QRFPR: variants seen among roughly 807,000 people sequenced by gnomAD.
QRFPR encodes the protein pyroglutamylated RFamide peptide receptor, also known as pyroglutamylated RF-amide peptide receptor.
A neutral mutation model predicts 31.3 loss-of-function variants in QRFPR; 37 were observed. That is an observed-to-expected ratio of 1.18 (90% CI 0.91 to 1.56). QRFPR has a LOEUF of 1.56. QRFPR is among the 40% of genes most tolerant of loss of function. QRFPR has a pLI of 0.00. For synonymous variants in QRFPR, 197 were observed against 192.0 expected (o/e 1.03, Z -0.22); for missense variants, 542 against 532.5 (o/e 1.02, Z -0.18).
intron 1 of QRFPR, among the ~76,000 whole-genome samples, chr4:121,361,415 G>C (rs184142167): frequency 6.7e-6 from 1 of 150,100 alleles, no homozygotes; most frequent in African/African-American, 2.5e-5. Flanking sequence ...TAATCAGAGA[G>C]AGATACGCAG....
intron 1 of QRFPR, among the ~76,000 whole-genome samples, chr4:121,355,249 T>G (rs913816104): frequency 6.6e-6 from 1 of 152,166 alleles, no homozygotes; most frequent in African/African-American, 2.4e-5. Flanking sequence ...GTCTCATTAT[T>G]TGTTGCTGGT....
At chr4:121,377,305 G>A (rs552918865) in intron 1 of QRFPR, among the ~76,000 whole-genome samples, 13 of 152,168 alleles carry the variant, frequency 8.5e-5, no homozygotes, top group South Asian at 2.1e-4. Context: ...TTTTGTCGCC[G>A]TTGCTTCCTG....
chr4:121,380,736 C>G lies in QRFPR; in HGVS notation c.-89G>C. 1 of 1,233,832 alleles carries G rather than the reference C, an allele frequency of 8.1e-7. No individual in the cohort carries two copies. Among genetic ancestry groups the G allele is most frequent in the South Asian group, 1.6e-5 (1 of 63,616 alleles). 76.4% of individuals were successfully genotyped at this position (1,233,832 alleles called of 1,614,324 possible). On this transcript the variant is annotated 5_prime_UTR_variant, in exon 1 of 6. Transcript: ENST00000394427. ...GCAGCGAGGGCTTCGGGGGACCAGC[C>G]GGAGGCCGCCTCCCTTCCTCTACTC...
At chr4:121,337,392 G>A (rs1381656103) in intron 2 of QRFPR, among the ~76,000 whole-genome samples, 3 of 152,164 alleles carry the variant, frequency 2.0e-5, no homozygotes, top group Non-Finnish European at 4.4e-5. Context: ...CTAATTCCTT[G>A]TTGTCTCTAC....
At chr4:121,350,349 T>G (rs1399559959) in intron 1 of QRFPR, among the ~76,000 whole-genome samples, 1 of 152,218 alleles carries the variant, frequency 6.6e-6, no homozygotes, top group Non-Finnish European at 1.5e-5. Flanking sequence ...GTCCCCATAT[T>G]ATTTTCAGCG....
At chr4:121,339,816 G>A (rs2110469903) in intron 2 of QRFPR, among the ~76,000 whole-genome samples, 1 of 152,216 alleles carries the variant, frequency 6.6e-6, no homozygotes, top group Middle Eastern at 3.4e-3. Context: ...TTAGCTGGGT[G>A]TGGTGGTGGG....
At chr4:121,337,894 A>G (rs1287595575) in intron 2 of QRFPR, among the ~76,000 whole-genome samples, 1 of 152,222 alleles carries the variant, frequency 6.6e-6, no homozygotes, top group African/African-American at 2.4e-5. Flanking sequence ...TTTAACAGAC[A>G]TGGAAGAGGA....
At chr4:121,357,766 C>T (rs1036608348) in intron 1 of QRFPR, among the ~76,000 whole-genome samples, 4 of 152,160 alleles carry the variant, frequency 2.6e-5, no homozygotes, top group African/African-American at 9.7e-5. Context: ...AGCTTAAGAA[C>T]CAAATAGGCC....
intron 1 of QRFPR, among the ~76,000 whole-genome samples, chr4:121,360,262 T>C (rs1444933964): frequency 2.0e-5 from 3 of 152,212 alleles, no homozygotes; most frequent in Admixed American, 6.5e-5. Flanking sequence ...GCCTTTGTCA[T>C]AGGCTCACCT....
intron 1 of QRFPR, among the ~76,000 whole-genome samples, chr4:121,351,986 C>G (rs1262912039): frequency 6.6e-6 from 1 of 151,960 alleles, no homozygotes; most frequent in Non-Finnish European, 1.5e-5. Flanking sequence ...TATTCATGTA[C>G]AGACATAGAC....
At chr4:121,334,268 T>C (rs1427017040) in intron 3 of QRFPR, among the ~76,000 whole-genome samples, 3 of 152,196 alleles carry the variant, frequency 2.0e-5, no homozygotes, top group Non-Finnish European at 4.4e-5. Flanking sequence ...CAGCAAAGAC[T>C]TCCTGAGGGT....
chr4:121,340,292 TG>T, intron 2 of QRFPR, 159 bp downstream of exon 2: 1 of 715,492 alleles, frequency 1.4e-6, no homozygotes, highest in Non-Finnish European at 2.4e-6. Flanking sequence ...AGAGATGGTG[TG>T]GAGATGAAGG....
chr4:121,348,446 T>G (rs1370466168), intron 1 of QRFPR, among the ~76,000 whole-genome samples: 9 of 152,162 alleles, frequency 5.9e-5, no homozygotes, highest in African/African-American at 1.9e-4. Flanking sequence ...GACCACTGAC[T>G]TCCAATTTTG....
At chr4:121,336,348 T>A (rs750376701) in intron 3 of QRFPR, among the ~76,000 whole-genome samples, 1 of 152,180 alleles carries the variant, frequency 6.6e-6, no homozygotes, top group Non-Finnish European at 1.5e-5. Context: ...TCTCCTGATA[T>A]GTTTCCAGTT....
chr4:121,355,053 G>A (rs1272322008), intron 1 of QRFPR, among the ~76,000 whole-genome samples: 3 of 151,938 alleles, frequency 2.0e-5, no homozygotes, highest in South Asian at 4.1e-4. Flanking sequence ...GTCTTTGCCT[G>A]GTTTTTGTTT....
chr4:121,374,988 T>G (rs1726323707), intron 1 of QRFPR, among the ~76,000 whole-genome samples: 2 of 152,162 alleles, frequency 1.3e-5, no homozygotes, highest in South Asian at 4.1e-4. Context: ...TCCCTCTGGC[T>G]GTGCCGGAAT....
intron 1 of QRFPR, among the ~76,000 whole-genome samples, chr4:121,364,330 T>C (rs1313827034): frequency 1.3e-5 from 2 of 150,216 alleles, no homozygotes; most frequent in East Asian, 4.0e-4. Context: ...CTAAGGCATG[T>C]TAATTGAAAT....
chr4:121,372,400 T>C (rs781332866), intron 1 of QRFPR, among the ~76,000 whole-genome samples: 2 of 152,240 alleles, frequency 1.3e-5, no homozygotes, highest in Non-Finnish European at 2.9e-5. Flanking sequence ...TTTTTTGTTC[T>C]AGAATTTTTT....
chr4:121,380,306 A>G lies in QRFPR; in HGVS notation c.340+2T>C, dbSNP rs1553948926. On this transcript the variant is annotated splice_donor_variant, in intron 1 of 5. Transcript: ENST00000394427. LOFTEE classifies it high-confidence loss of function. ...AGCGAAGGAGCGGGGCGCGACTCTT[A>G]CCCCCCAGCCAGTTGTCGGAAATGT... The G allele has an allele frequency of 6.2e-7, 1 of 1,607,196 alleles. No homozygotes were observed. Among genetic ancestry groups the G allele is most frequent in the South Asian group, 1.1e-5 (1 of 90,712 alleles).
Sources: gnomAD v4.1 joint callset for allele counts (sites outside exome capture counted in the v4.1 genomes callset) on GRCh38, gnomAD v4.1.1 for gene constraint, MANE v1.5 for transcripts, NCBI Gene and HGNC (gene_info 2026-07-23, HGNC 2026-07-21) for gene names.